The following STC2 variants were observed in gnomAD, a reference collection of about 807,000 sequenced individuals.
The protein encoded by STC2 is stanniocalcin 2, also known as stanniocalcin-2.
In STC2, 7 loss-of-function variants were observed where a neutral mutation model predicts 22.7. The ratio of observed to expected loss-of-function variants is 0.31; its 90% CI spans 0.18 to 0.58. The LOEUF is 0.58. Among genes scored for constraint, STC2 ranks in the 20% least tolerant of loss-of-function variants. The pLI, the probability that STC2 is intolerant of heterozygous loss-of-function variation, is 0.89. For missense variants in STC2, 336 were observed against 406.2 expected (o/e 0.83, Z 1.48); for synonymous variants, 158 against 163.4 (o/e 0.97, Z 0.25).
Position 173,325,944 on chromosome 5 carries a change from T to C in STC2, c.218A>G (p.Asn73Ser), listed in dbSNP as rs780297853. The change falls in exon 2 of 4, where the codon AAC (asparagine) becomes AGC (serine). Residue 73 changes from asparagine (N) to serine (S), a missense_variant. Around this residue, in one of 3 missense-constraint regions of STC2, gnomAD observed 99 missense variants for 122.7 expected, o/e 0.81. Transcript: ENST00000265087. This position sits in a 1 kb window ranked among gnomAD's most constrained non-coding sequence, Gnocchi z 4.7. ...VGCGVFECFENNSCEIRGLHG... is the reference protein window; with the variant it reads ...VGCGVFECFESNSCEIRGLHG... Reference sequence around the variant, plus strand: ...TAAGCCCCGAATCTCACAAGAGTTGTTCTCGAAACATTCAAACACGCCACA... The same window carrying C: ...TAAGCCCCGAATCTCACAAGAGTTGCTCTCGAAACATTCAAACACGCCACA... 6.2e-7 allele frequency: 1 copy of C among 1,614,228 alleles called. No individual in the cohort carries two copies. The highest frequency in any genetic ancestry group is 8.5e-7 in the Non-Finnish European group (1 of 1,180,046).
intron 3 of STC2, chr5:173,322,849 A>G (rs914020255): frequency 2.3e-5 from 6 of 257,468 alleles, no homozygotes; most frequent in African/African-American, 1.1e-4. Flanking sequence ...ATATTCAACA[A>G]ATGTTATTAG....
In STC2 at chr5:173,323,064, T is replaced by C. The variant is rs1235146783; in HGVS notation, c.506+155A>G. On this transcript the variant is annotated intron_variant, in intron 3 of 3. Transcript: ENST00000265087. The surrounding 1 kb of genome is among the most constrained non-coding windows in gnomAD (Gnocchi z 5.4). ...CTAAAAGCCAGCAGGAAAGGGGCCT[T>C]TTAGTAGAGTCAGTGTAGCTTTCTG... 5 of 688,368 alleles carry C rather than the reference T, an allele frequency of 7.3e-6. No individual in the cohort carries two copies. The highest frequency in any genetic ancestry group is 7.2e-5 in the African/African-American group (4 of 55,586). 42.6% of individuals were successfully genotyped at this position (688,368 alleles called of 1,614,324 possible).
Position 173,323,239 on chromosome 5 carries a change from G to A in STC2, c.486C>T (p.Phe162=). Residue 162 remains phenylalanine (F), a synonymous_variant, in exon 3 of 4, where the codon TTC becomes TTT. Coordinates refer to ENST00000265087, the MANE Select transcript of STC2 (RefSeq NM_003714.3). The surrounding 1 kb of genome is among the most constrained non-coding windows in gnomAD (Gnocchi z 5.4). ...NTRVIVEMIH[F]KDLLLHEPYV... ...CTCACTCGTGCAGCAGCAAGTCCTT[G>A]AAATGGATCATCTCCACTATCACCC... 1 of 1,614,206 alleles carries A rather than the reference G, an allele frequency of 6.2e-7. No homozygotes were observed. The highest frequency in any genetic ancestry group is 8.5e-7 in the Non-Finnish European group (1 of 1,180,042).
chr5:173,317,762 C>G lies in STC2; in HGVS notation c.*85G>C. 6.8e-7 allele frequency: 1 copy of G among 1,466,140 alleles called. No homozygotes were observed. The allele number at this position is 1,466,140 out of a possible 1,614,324, so 90.8% of individuals were successfully genotyped here. A position where few individuals can be genotyped will look rare whatever the true frequency, so the allele number is the denominator to read the frequency against. On this transcript the variant is annotated 3_prime_UTR_variant, in exon 4 of 4. Coordinates refer to ENST00000265087, the MANE Select transcript of STC2 (RefSeq NM_003714.3). ...CAGAATCCTGCGTGTGACATCCCCC[C>G]TCTCTAATGGTAAATGTTTTGGAAT... is the stretch of plus-strand genomic sequence containing the variant.
At position 173,325,165 on chromosome 5, in the gene STC2, C is replaced by T. The variant is rs779110474; in HGVS notation, c.294+703G>A. On this transcript the variant is annotated intron_variant, in intron 2 of 3. Coordinates refer to ENST00000265087, the MANE Select transcript of STC2 (RefSeq NM_003714.3). This position sits in a 1 kb window ranked among gnomAD's most constrained non-coding sequence, Gnocchi z 4.7. ...GGCATATAAGTGGCCAGGGAGAACA[C>T]GAAGAAGGTGAGTCTGATGCCACAT... 6.6e-5 allele frequency among the ~76,000 whole-genome samples: 10 copies of T among 152,208 alleles called. No homozygotes were observed. The highest frequency in any genetic ancestry group is 1.9e-4 in the East Asian group (1 of 5,196).
At chr5:173,320,971 C>T (rs1315982826) in intron 3 of STC2, among the ~76,000 whole-genome samples, 3 of 151,700 alleles carry the variant, frequency 2.0e-5, no homozygotes, top group African/African-American at 7.3e-5. Context: ...ATCATGGCTT[C>T]AGAAGGAAAG....
At chr5:173,324,329 G>C (rs1762520585) in intron 2 of STC2, 3 of 152,256 alleles carry the variant, frequency 2.0e-5, no homozygotes, top group Admixed American at 2.0e-4. Context: ...ATGCCTACCC[G>C]GGAATCCCCG....
rs1365233575 is a variant in STC2, at chr5:173,325,595, G to C, written c.294+273C>G. Among the ~76,000 whole-genome samples the C allele has an allele frequency of 6.6e-6, 1 of 152,218 alleles. No homozygotes were observed. The highest frequency in any genetic ancestry group is 1.5e-5 in the Non-Finnish European group (1 of 68,038). On this transcript the variant is annotated intron_variant, in intron 2 of 3. Coordinates refer to ENST00000265087, the MANE Select transcript of STC2 (RefSeq NM_003714.3). This position sits in a 1 kb window ranked among gnomAD's most constrained non-coding sequence, Gnocchi z 4.7. Reference sequence around the variant, plus strand: ...TCTCATGCAGTGGGCTTTGGAGACTGAGTTCTGGGTGGCCAGACACAGCGT... The same window carrying C: ...TCTCATGCAGTGGGCTTTGGAGACTCAGTTCTGGGTGGCCAGACACAGCGT...
intron 1 of STC2, among the ~76,000 whole-genome samples, 180 bp from the exon 2 acceptor site, chr5:173,326,190 T>C (rs1276027183): frequency 2.0e-5 from 3 of 152,166 alleles, no homozygotes; most frequent in Non-Finnish European, 4.4e-5. Context: ...TTTAATCTAC[T>C]CATGAAAAAT....
chr5:173,316,250 G>A lies in STC2; in HGVS notation c.*1597C>T, dbSNP rs1468894887. The A allele has an allele frequency of 6.6e-6, 1 of 152,144 alleles. No homozygotes were observed. Among genetic ancestry groups the A allele is most frequent in the East Asian group, 1.9e-4 (1 of 5,174 alleles). The allele number at this position is 152,144 out of a possible 1,614,324, so 9.4% of individuals were successfully genotyped here. A position where few individuals can be genotyped will look rare whatever the true frequency, so the allele number is the denominator to read the frequency against. ...TTGTGTGTTGTCTATGGCTGCTTTTGTGCTAGGACGGCAGAGTTGAGTAGT... is the reference window on the plus strand; with the variant it reads ...TTGTGTGTTGTCTATGGCTGCTTTTATGCTAGGACGGCAGAGTTGAGTAGT... On this transcript the variant is annotated 3_prime_UTR_variant, in exon 4 of 4. Transcript: ENST00000265087.
Position 173,328,379 on chromosome 5 carries a change from A to G in STC2, c.-186T>C. The G allele has an allele frequency of 1.9e-6, 1 of 516,846 alleles. No homozygotes were observed. The highest frequency in any genetic ancestry group is 3.1e-6 in the Non-Finnish European group (1 of 321,232). 32.0% of individuals were successfully genotyped at this position (516,846 alleles called of 1,614,324 possible). On this transcript the variant is annotated 5_prime_UTR_variant, in exon 1 of 4. Transcript: ENST00000265087. The stretch of plus-strand genomic sequence containing the variant: ...CCAGCGCCCTCCCGTAGCTCTCCGG[A>G]GAGCATGTGACCAGGCCGTTAGCAG...
At chr5:173,324,511 A>C (rs375195149) in intron 2 of STC2, among the ~76,000 whole-genome samples, 86 of 152,306 alleles carry the variant, frequency 5.6e-4, no homozygotes, top group African/African-American at 2.0e-3. Flanking sequence ...ATGTCTACAG[A>C]TAGCGTCTGA....
Position 173,325,623 on chromosome 5 carries a change from C to T in STC2, c.294+245G>A, listed in dbSNP as rs772642300. On this transcript the variant is annotated intron_variant, in intron 2 of 3. Coordinates refer to ENST00000265087, the MANE Select transcript of STC2 (RefSeq NM_003714.3). The surrounding 1 kb of genome is among the most constrained non-coding windows in gnomAD (Gnocchi z 4.7). Reference sequence around the variant, plus strand: ...TTCTGGGTGGCCAGACACAGCGTGTCCCCTTACAAGGTGTTTATCGTTTAT... The same window carrying T: ...TTCTGGGTGGCCAGACACAGCGTGTTCCCTTACAAGGTGTTTATCGTTTAT... Among the ~76,000 whole-genome samples the T allele has an allele frequency of 5.9e-5, 9 of 152,174 alleles. No individual in the cohort carries two copies. The highest frequency in any genetic ancestry group is 2.1e-4 in the South Asian group (1 of 4,824).
Position 173,325,829 on chromosome 5 carries a change from T to C in STC2, c.294+39A>G. On this transcript the variant is annotated intron_variant, in intron 2 of 3. Transcript: ENST00000265087. The surrounding 1 kb of genome is among the most constrained non-coding windows in gnomAD (Gnocchi z 4.7). ...CAATGAACGTTTCAATCATGTATGCTCACCCCAAACATTCTTCATGCTCTG... is the reference window on the plus strand; with the variant it reads ...CAATGAACGTTTCAATCATGTATGCCCACCCCAAACATTCTTCATGCTCTG... The C allele has an allele frequency of 6.2e-7, 1 of 1,612,752 alleles. No homozygotes were observed. Among genetic ancestry groups the C allele is most frequent in the Non-Finnish European group, 8.5e-7 (1 of 1,178,734 alleles).
At chr5:173,319,824 T>A (rs1037023086) in intron 3 of STC2, among the ~76,000 whole-genome samples, 79 of 152,258 alleles carry the variant, frequency 5.2e-4, no homozygotes, top group African/African-American at 1.9e-3. Flanking sequence ...TAGGGCCTGC[T>A]TGATGACTTT....
chr5:173,320,394 G>A (rs1639207181), intron 3 of STC2, among the ~76,000 whole-genome samples: 1 of 152,198 alleles, frequency 6.6e-6, no homozygotes, highest in South Asian at 2.1e-4. Flanking sequence ...TGTGTGTGCC[G>A]AACCAAGTTA....
Position 173,323,022 on chromosome 5 carries a change from G to A in STC2, c.506+197C>T. The stretch of plus-strand genomic sequence containing the variant: ...TTGCTTGTGATTTTGAGACTGATGA[G>A]GGAATTCTCTCTTTTCCTAAAAGCC... On this transcript the variant is annotated intron_variant, in intron 3 of 3. Coordinates refer to ENST00000265087, the MANE Select transcript of STC2 (RefSeq NM_003714.3). The surrounding 1 kb of genome is among the most constrained non-coding windows in gnomAD (Gnocchi z 5.4). 1 of 597,770 alleles carries A rather than the reference G, an allele frequency of 1.7e-6. No individual in the cohort carries two copies. The highest frequency in any genetic ancestry group is 1.9e-5 in the African/African-American group (1 of 53,854). 37.0% of individuals were successfully genotyped at this position (597,770 alleles called of 1,614,324 possible). A position where few individuals can be genotyped will look rare whatever the true frequency, so the allele number is the denominator to read the frequency against.
At position 173,317,676 on chromosome 5, in the gene STC2, G is replaced by A. The variant is rs536320108; in HGVS notation, c.*171C>T. On this transcript the variant is annotated 3_prime_UTR_variant, in exon 4 of 4. Transcript: ENST00000265087. ...CACCCCTGAGACCCCACGGCCCCAGGGGTCTCCATCTCACCTGTCCGTTCC... is the reference window on the plus strand; with the variant it reads ...CACCCCTGAGACCCCACGGCCCCAGAGGTCTCCATCTCACCTGTCCGTTCC... 2 of 836,080 alleles carry A rather than the reference G, an allele frequency of 2.4e-6. No homozygotes were observed. Among genetic ancestry groups the A allele is most frequent in the Non-Finnish European group, 3.5e-6 (2 of 578,454 alleles). 51.8% of individuals were successfully genotyped at this position (836,080 alleles called of 1,614,324 possible). A position where few individuals can be genotyped will look rare whatever the true frequency, so the allele number is the denominator to read the frequency against.
chr5:173,314,769 A>C lies in STC2; in HGVS notation c.*3078T>G, dbSNP rs115441495. The C allele has an allele frequency of 6.6e-6, 1 of 152,242 alleles. No homozygotes were observed. The highest frequency in any genetic ancestry group is 1.5e-5 in the Non-Finnish European group (1 of 68,052). The allele number at this position is 152,242 out of a possible 1,614,324, so 9.4% of individuals were successfully genotyped here. On this transcript the variant is annotated 3_prime_UTR_variant, in exon 4 of 4. Coordinates refer to ENST00000265087, the MANE Select transcript of STC2 (RefSeq NM_003714.3). This position sits in a 1 kb window ranked among gnomAD's most constrained non-coding sequence, Gnocchi z 4.6. ...TTAACGCTTGAAGAAAAATAATGCA[A>C]TGTGACAATGTACAGGTCCTGTTGC...
Sources: allele counts gnomAD v4.1 joint callset (sites outside exome capture counted in the v4.1 genomes callset), GRCh38; gene constraint gnomAD v4.1.1; regional missense constraint gnomAD v4.1.1; non-coding constraint Gnocchi (gnomAD v3.1); transcripts MANE v1.5; gene names NCBI Gene and HGNC (gene_info 2026-07-23, HGNC 2026-07-21).